GRIK4: variants seen among roughly 807,000 people sequenced by gnomAD.
GRIK4 encodes the protein glutamate receptor ionotropic, kainate 4.
GRIK4 carries 40 observed loss-of-function variants against 104.9 expected under a neutral mutation model. The observed-to-expected ratio is 0.38, with a 90% confidence interval of 0.30 to 0.50. The LOEUF (loss-of-function observed/expected upper bound fraction) is 0.50, where lower values mean the gene tolerates loss of function less well. GRIK4 is among the 20% of genes least tolerant of loss of function. The probability of loss-of-function intolerance (pLI) is 0.93; values close to 1 mark genes in which losing one functional copy is unlikely to be tolerated. For synonymous variants in GRIK4, 485 were observed against 524.9 expected (o/e 0.92, Z 1.04); for missense variants, 1,047 against 1,308.1 (o/e 0.80, Z 3.08).
chr11:120,871,586 C>T (rs529552448), intron 9 of GRIK4: 1 of 456,288 alleles, frequency 2.2e-6, no homozygotes, highest in East Asian at 7.0e-5. Context: ...TCTTCGGGTT[C>T]CAGGAGGCTC....
chr11:120,571,161 A>G (rs1000402545), intron 1 of GRIK4, among the ~76,000 whole-genome samples: 1 of 151,186 alleles, frequency 6.6e-6, no homozygotes, highest in Non-Finnish European at 1.5e-5. Context: ...TCCTCCCTAG[A>G]CTCCTTTTGC....
intron 1 of GRIK4, among the ~76,000 whole-genome samples, chr11:120,581,482 A>C (rs1948579793): frequency 6.6e-6 from 1 of 152,224 alleles, no homozygotes; most frequent in Non-Finnish European, 1.5e-5. Context: ...GTTAAGTACC[A>C]TCATGTTGTT....
chr11:120,529,779 G>C (rs61641913), intron 1 of GRIK4, among the ~76,000 whole-genome samples: 1 of 152,186 alleles, frequency 6.6e-6, no homozygotes, highest in Non-Finnish European at 1.5e-5. Context: ...TTCACATCCA[G>C]CATCTCATTT....
chr11:120,938,724 C>T (rs1042467288), intron 13 of GRIK4, among the ~76,000 whole-genome samples: 3 of 152,172 alleles, frequency 2.0e-5, no homozygotes, highest in South Asian at 2.1e-4. Context: ...ATCAACTGAT[C>T]GACCAGCATT....
intron 3 of GRIK4, among the ~76,000 whole-genome samples, chr11:120,710,025 C>A (rs1950698965): frequency 6.6e-6 from 1 of 152,188 alleles, no homozygotes; most frequent in Admixed American, 6.5e-5. Flanking sequence ...TGATTCATAA[C>A]CAGAATGCTG....
At chr11:120,882,764 C>G (rs1955001734) in intron 11 of GRIK4, among the ~76,000 whole-genome samples, 1 of 152,146 alleles carries the variant, frequency 6.6e-6, no homozygotes, top group South Asian at 2.1e-4. Context: ...CTTAAAACCC[C>G]TTGGCGGCCC....
At chr11:120,712,474 C>T (rs1950752610) in intron 3 of GRIK4, among the ~76,000 whole-genome samples, 1 of 152,082 alleles carries the variant, frequency 6.6e-6, no homozygotes, top group Non-Finnish European at 1.5e-5. Flanking sequence ...GGTCACCCAC[C>T]CTTCTGTGCT....
intron 1 of GRIK4, among the ~76,000 whole-genome samples, chr11:120,527,379 C>G (rs147211893): frequency 0.012 from 1,852 of 152,290 alleles, 38 homozygotes; most frequent in African/African-American, 0.042. Context: ...GTGGGGACCC[C>G]GGAGCAGATG....
intron 1 of GRIK4, among the ~76,000 whole-genome samples, chr11:120,649,920 T>C (rs4245040): frequency 0.75 from 114,367 of 152,208 alleles, 43,692 homozygotes; most frequent in African/African-American, 0.91. Flanking sequence ...GTGCTATAGG[T>C]GGCTTCAGAA....
intron 1 of GRIK4, among the ~76,000 whole-genome samples, chr11:120,520,733 T>C (rs964270710): frequency 6.6e-6 from 1 of 152,212 alleles, no homozygotes; most frequent in Non-Finnish European, 1.5e-5. Context: ...ACTGGGGTCT[T>C]GGACTCTCAG....
At chr11:120,568,750 C>T (rs547053618) in intron 1 of GRIK4, among the ~76,000 whole-genome samples, 20 of 152,298 alleles carry the variant, frequency 1.3e-4, no homozygotes, top group African/African-American at 4.1e-4. Context: ...CTTGTGCAAT[C>T]CTTCTTGCCA....
intron 1 of GRIK4, chr11:120,564,865 C>G (rs1948294855): frequency 6.6e-6 from 1 of 152,366 alleles, no homozygotes; most frequent in African/African-American, 2.4e-5. Context: ...CTGACTGGAC[C>G]CGGCTCAGGA....
At chr11:120,763,450 T>C (rs1951783689) in intron 3 of GRIK4, among the ~76,000 whole-genome samples, 1 of 152,242 alleles carries the variant, frequency 6.6e-6, no homozygotes, top group Non-Finnish European at 1.5e-5. Flanking sequence ...CCTTCAGTTC[T>C]GCTCTGATCT....
chr11:120,872,426 C>T (rs1349621511), intron 9 of GRIK4: 1 of 160,136 alleles, frequency 6.2e-6, no homozygotes, highest in Non-Finnish European at 1.4e-5. Flanking sequence ...GGGCCGGTGT[C>T]CCAGGGCTGG....
intron 13 of GRIK4, among the ~76,000 whole-genome samples, chr11:120,910,777 AG>A (rs1302970968): frequency 6.6e-6 from 1 of 152,198 alleles, no homozygotes; most frequent in Non-Finnish European, 1.5e-5. Flanking sequence ...GAGCAGGGTG[AG>A]AAGGACTATG....
chr11:120,685,922 A>G (rs78584663), intron 3 of GRIK4, among the ~76,000 whole-genome samples: 7,263 of 152,172 alleles, frequency 0.048, 348 homozygotes, highest in African/African-American at 0.12. Flanking sequence ...CAACTTCCAA[A>G]TCATCTGCAG....
At chr11:120,666,354 C>T (rs965579383) in intron 3 of GRIK4, among the ~76,000 whole-genome samples, 1 of 152,138 alleles carries the variant, frequency 6.6e-6, no homozygotes. Flanking sequence ...CTGAGGACAG[C>T]GTTGGGACAG....
intron 3 of GRIK4, among the ~76,000 whole-genome samples, chr11:120,685,101 G>A (rs1170950672): frequency 6.6e-6 from 1 of 152,182 alleles, no homozygotes; most frequent in Non-Finnish European, 1.5e-5. Flanking sequence ...GCCATCTGTC[G>A]GTGAGTGTGG....
intron 3 of GRIK4, among the ~76,000 whole-genome samples, chr11:120,761,286 G>T (rs1045996835): frequency 1.3e-5 from 2 of 152,090 alleles, no homozygotes; most frequent in Admixed American, 1.3e-4. Context: ...CCCACTTTTT[G>T]ATGGGGTTGT....
Sources: gnomAD v4.1 joint callset for allele counts (sites outside exome capture counted in the v4.1 genomes callset) on GRCh38, gnomAD v4.1.1 for gene constraint, MANE v1.5 for transcripts, NCBI Gene and HGNC (gene_info 2026-07-23, HGNC 2026-07-21) for gene names.